Variants in NR5A2 observed in about 807,000 individuals in gnomAD.
NR5A2 encodes nuclear receptor subfamily 5 group A member 2.
NR5A2 carries 26 observed loss-of-function variants against 62.7 expected under a neutral mutation model. The ratio of observed to expected loss-of-function variants is 0.41; its 90% CI spans 0.30 to 0.58. The LOEUF (loss-of-function observed/expected upper bound fraction) is 0.58. Among genes scored for constraint, NR5A2 ranks in the 20% least tolerant of loss-of-function variants. The probability of loss-of-function intolerance (pLI) is 0.22; values close to 1 mark genes in which losing one functional copy is unlikely to be tolerated. For synonymous variants in NR5A2, 246 were observed against 241.7 expected (o/e 1.02, Z -0.16); for missense variants, 541 against 669.1 (o/e 0.81, Z 2.11).
intron 7 of NR5A2, among the ~76,000 whole-genome samples, chr1:200,133,976 C>G (rs1021893865): frequency 1.3e-5 from 2 of 151,652 alleles, no homozygotes; most frequent in African/African-American, 2.4e-5. Context: ...GTGTTTGTGT[C>G]TTCATCTTTA....
At chr1:200,031,571 C>CTTTTTTTTTTT (rs530174677) in intron 1 of NR5A2, among the ~76,000 whole-genome samples, 2 of 89,524 alleles carry the variant, frequency 2.2e-5, no homozygotes, top group African/African-American at 4.8e-5. Context: ...TCTTTAACAC[C>CTTTTTTTTTTT]TTTTTTTTTT....
intron 6 of NR5A2, 91 bp from the exon 7 acceptor site, chr1:200,120,717 G>A: frequency 1.5e-6 from 2 of 1,320,280 alleles, no homozygotes; most frequent in East Asian, 2.6e-5. Flanking sequence ...AACCTGTATT[G>A]CAATCTGATT....
chr1:200,093,938 C>T (rs1246778217), intron 5 of NR5A2, among the ~76,000 whole-genome samples: 5 of 152,042 alleles, frequency 3.3e-5, no homozygotes, highest in South Asian at 2.1e-4. Context: ...GGGCGGATCA[C>T]GAGGTTAGGA....
At chr1:200,105,936 T>C (rs1187955911) in intron 5 of NR5A2, among the ~76,000 whole-genome samples, 1 of 151,948 alleles carries the variant, frequency 6.6e-6, no homozygotes, top group Non-Finnish European at 1.5e-5. Flanking sequence ...GAAAGTAAAA[T>C]AACAGCTCAC....
At chr1:200,107,176 TACAA>T (rs10569824) in intron 5 of NR5A2, among the ~76,000 whole-genome samples, 133,839 of 151,926 alleles carry the variant, frequency 0.88, 59,114 homozygotes, top group East Asian at 0.97. Context: ...TCATTAATTC[TACAA>T]ACAAACAATG....
rs556700355 is a variant in NR5A2, at chr1:200,097,244, GA to G, written c.1111-13956del. 7.2e-3 allele frequency among the ~76,000 whole-genome samples: 1,099 copies of G among 152,162 alleles called. 14 individuals carry two copies. Among genetic ancestry groups the G allele is most frequent in the African/African-American group, 0.024 (1,010 of 41,502 alleles). On this transcript the variant is annotated intron_variant, in intron 5 of 7. Transcript: ENST00000367362. ...CTTTTTTTAAAATAAACCTTTGTCA[GA>G]ATATTATTTCTTCTTTTTTTCTTTT...
Position 200,039,684 on chromosome 1 carries a change from T to TC in NR5A2, c.96dup (p.Ile33HisfsTer40), listed in dbSNP as rs781719766. 6.2e-7 allele frequency: 1 copy of TC among 1,609,672 alleles called. No homozygotes were observed. Among genetic ancestry groups the TC allele is most frequent in the African/African-American group, 1.4e-5 (1 of 73,872 alleles). On this transcript the variant is annotated frameshift_variant, in exon 2 of 8. Coordinates refer to ENST00000367362, the MANE Select transcript of NR5A2 (RefSeq NM_205860.3). LOFTEE classifies it high-confidence loss of function. The surrounding 1 kb of genome is among the most constrained non-coding windows in gnomAD (Gnocchi z 5.1). ...TGCTGGGCTTCCGGACCGACACGGA[T>TC]CCCCCATCCCCGCCCGCGGTCGCCT...
intron 7 of NR5A2, among the ~76,000 whole-genome samples, chr1:200,126,225 C>T (rs754771231): frequency 1.2e-4 from 19 of 152,120 alleles, no homozygotes; most frequent in Non-Finnish European, 2.1e-4. Context: ...ACATTTTTCT[C>T]TTTGTTGTGG....
At chr1:200,058,743 T>A (rs906645529) in intron 5 of NR5A2, among the ~76,000 whole-genome samples, 4 of 146,000 alleles carry the variant, frequency 2.7e-5, no homozygotes, top group Non-Finnish European at 6.0e-5. Flanking sequence ...CCTCCCAAAG[T>A]GCTGGGATTA....
At chr1:200,141,419 AT>A (rs1254714664) in intron 7 of NR5A2, among the ~76,000 whole-genome samples, 2 of 152,196 alleles carry the variant, frequency 1.3e-5, no homozygotes, top group African/African-American at 4.8e-5. Flanking sequence ...CCTAAGATTC[AT>A]CCATAAGTGT....
At chr1:200,053,569 GCACACACACACACACACACACACA>G (rs34611924) in intron 5 of NR5A2, among the ~76,000 whole-genome samples, 1 of 141,994 alleles carries the variant, frequency 7.0e-6, no homozygotes, top group Non-Finnish European at 1.5e-5. Context: ...GCATGCACAC[GCACACACACACACACACACACACA>G]CACACACACA....
intron 1 of NR5A2, among the ~76,000 whole-genome samples, chr1:200,034,742 G>A (rs183915031): frequency 1.7e-3 from 233 of 134,520 alleles, no homozygotes; most frequent in South Asian, 4.9e-3. Context: ...AGGGGCTGAT[G>A]TTGATGTCTT....
chr1:200,174,207 A>C lies in NR5A2; in HGVS notation c.1623A>C (p.Ala541=). 6.3e-7 allele frequency: 1 copy of C among 1,592,230 alleles called. No homozygotes were observed. The part of the protein sequence containing the change: ...LLIEMLHAKR[A] ...TTGAAATGTTGCATGCCAAAAGAGC[A>C]TAAGTTACAACCCCTAGGAGCTCTG... Residue 541 remains alanine (A), a synonymous_variant, in exon 8 of 8, where the codon GCA becomes GCC. Transcript: ENST00000367362.
chr1:200,103,243 C>A (rs1365904497), intron 5 of NR5A2, among the ~76,000 whole-genome samples: 2 of 151,416 alleles, frequency 1.3e-5, no homozygotes, highest in African/African-American at 4.9e-5. Context: ...CCTGCCTCAG[C>A]CTCCCAAGTA....
chr1:200,162,054 A>T (rs949074185), intron 7 of NR5A2, among the ~76,000 whole-genome samples: 6 of 152,228 alleles, frequency 3.9e-5, no homozygotes, highest in African/African-American at 1.4e-4. Context: ...AAGATGTTCC[A>T]CAGACAAGCA....
chr1:200,141,791 A>C (rs1667451244), intron 7 of NR5A2, among the ~76,000 whole-genome samples: 1 of 152,214 alleles, frequency 6.6e-6, no homozygotes, highest in Non-Finnish European at 1.5e-5. Context: ...ATAAAACTTG[A>C]AGTTGACAAT....
chr1:200,168,459 C>T (rs77900789), intron 7 of NR5A2, among the ~76,000 whole-genome samples: 3,008 of 152,174 alleles, frequency 0.02, 99 homozygotes, highest in African/African-American at 0.068. Context: ...TGAAGCAATC[C>T]TCCATTTTTG....
At chr1:200,107,947 C>T (rs1377215531) in intron 5 of NR5A2, among the ~76,000 whole-genome samples, 1 of 151,878 alleles carries the variant, frequency 6.6e-6, no homozygotes, top group Admixed American at 6.6e-5. Flanking sequence ...TGTTGTCTTA[C>T]AATTTTAGTA....
In NR5A2 at chr1:200,147,616, C is replaced by T; in HGVS notation, c.1379-26347C>T. On this transcript the variant is annotated intron_variant, in intron 7 of 7. Coordinates refer to ENST00000367362, the MANE Select transcript of NR5A2 (RefSeq NM_205860.3). This position sits in a 1 kb window ranked among gnomAD's most constrained non-coding sequence, Gnocchi z 4.9. The stretch of plus-strand genomic sequence containing the variant: ...AGGGCAGAGCACATTTTCGCACAGG[C>T]AGCGCCGCAGCTTGCCCTGGATCTT... 2.8e-6 allele frequency: 2 copies of T among 715,176 alleles called. No homozygotes were observed. Among genetic ancestry groups the T allele is most frequent in the South Asian group, 2.7e-5 (2 of 73,998 alleles). The allele number at this position is 715,176 out of a possible 1,614,324, so 44.3% of individuals were successfully genotyped here.
Sources: gnomAD v4.1 joint callset for allele counts (sites outside exome capture counted in the v4.1 genomes callset) on GRCh38, gnomAD v4.1.1 for gene constraint, Gnocchi (gnomAD v3.1) non-coding constraint, MANE v1.5 for transcripts, NCBI Gene and HGNC (gene_info 2026-07-23, HGNC 2026-07-21) for gene names.